Variants in RANBP10 observed in about 807,000 individuals in gnomAD.
RANBP10 encodes the protein ran-binding protein 10.
Under a neutral mutation model 72.8 loss-of-function variants are expected in RANBP10, and 24 were observed. The ratio of observed to expected loss-of-function variants is 0.33; its 90% confidence interval spans 0.24 to 0.46. RANBP10 has a LOEUF of 0.46. Ranked by LOEUF, RANBP10 falls within the 20% of genes least tolerant of loss-of-function variation. RANBP10 has a pLI of 1.00. For synonymous variants in RANBP10, 310 were observed against 322.3 expected, an observed-to-expected ratio of 0.96 and a Z score of 0.41; for missense variants, 679 against 817.5, an observed-to-expected ratio of 0.83 and a Z score of 2.07.
chr16:67,740,764 G>A (rs779063527), intron 4 of RANBP10, among the ~76,000 whole-genome samples: 3 of 152,158 alleles, frequency 2.0e-5, no homozygotes, highest in Admixed American at 1.3e-4. Flanking sequence ...TTCTTTGTTC[G>A]GCTATTTTGT....
rs3743730 is a variant in RANBP10, at chr16:67,806,519, T to A, written c.18A>T (p.Ala6=). The A allele has an allele frequency of 7.3e-6, 11 of 1,509,824 alleles. No individual in the cohort carries two copies. Among genetic ancestry groups the A allele is most frequent in the African/African-American group, 1.4e-5 (1 of 71,640 alleles). 93.5% of individuals were successfully genotyped at this position (1,509,824 alleles called of 1,614,324 possible). Reference sequence around the variant, plus strand: ...GCTGCGGGTTCCCAGCTCCCGGGTCTGCCGTCGCTGCCGCCATCTTGGAGG... The same window carrying A: ...GCTGCGGGTTCCCAGCTCCCGGGTCAGCCGTCGCTGCCGCCATCTTGGAGG... The part of the protein sequence containing the change: MAAAT[A]DPGAGNPQPG... The change falls in exon 1 of 14, where the codon GCA becomes GCT. Residue 6 remains alanine, a synonymous_variant. Transcript: ENST00000317506.
chr16:67,759,390 C>T (rs1368053633), intron 3 of RANBP10, among the ~76,000 whole-genome samples: 2 of 152,214 alleles, frequency 1.3e-5, no homozygotes, highest in Non-Finnish European at 2.9e-5. Flanking sequence ...CTTTTCCAGG[C>T]AGGGCTGCCT....
At chr16:67,731,344 A>G (rs1350246436) in intron 7 of RANBP10, 128 bp downstream of exon 7, 4 of 717,160 alleles carry the variant, frequency 5.6e-6, no homozygotes, top group Non-Finnish European at 9.7e-6. Context: ...CATGGCCTCG[A>G]GCTGCAAGCT....
intron 3 of RANBP10, among the ~76,000 whole-genome samples, chr16:67,765,153 T>C (rs1198015237): frequency 1.6e-5 from 2 of 124,800 alleles, no homozygotes; most frequent in Non-Finnish European, 3.1e-5. Context: ...TGAGCCAAGA[T>C]TGCACCACTG....
Position 67,728,430 on chromosome 16 carries a change from G to C in RANBP10, c.1434C>G (p.Ala478=). ...CCGTCTGCAGGTCCTCATGCTTGTA[G>C]GCACCATTAACAATGCGTGTGGACA... ...GSMSTRIVNG[A]YKHEDLQTDE... is the part of the protein sequence containing the mutation. Residue 478 remains alanine (A), a synonymous_variant, in exon 11 of 14, where the codon GCC becomes GCG. Transcript: ENST00000317506. 1.9e-6 allele frequency: 3 copies of C among 1,614,182 alleles called. No individual in the cohort carries two copies. The highest frequency in any genetic ancestry group is 1.7e-6 in the Non-Finnish European group (2 of 1,180,038).
chr16:67,772,848 C>T (rs558560255), intron 2 of RANBP10, among the ~76,000 whole-genome samples: 1 of 152,310 alleles, frequency 6.6e-6, no homozygotes, highest in South Asian at 2.1e-4. Context: ...CCTCTGGCTG[C>T]TCTCCCCTTA....
In RANBP10 at chr16:67,729,251, C is replaced by A; in HGVS notation, c.1352+29G>T. The stretch of plus-strand genomic sequence containing the variant: ...GGCCCAGCTGGCATAAGGCAGAAGG[C>A]AGAGGAGGAAGCAGAGCAAGGCAGG... On this transcript the variant is annotated intron_variant, in intron 10 of 13. Transcript: ENST00000317506. The surrounding 1 kb of genome is among the most constrained non-coding windows in gnomAD (Gnocchi z 7.1). 3 of 1,607,672 alleles carry A rather than the reference C, an allele frequency of 1.9e-6. No homozygotes were observed. Among genetic ancestry groups the A allele is most frequent in the East Asian group, 4.5e-5 (2 of 44,844 alleles).
At chr16:67,728,587 T>C (rs778770289) in intron 10 of RANBP10, 76 bp from the exon 11 acceptor site, 1 of 1,608,402 alleles carries the variant, frequency 6.2e-7, no homozygotes, top group South Asian at 1.1e-5. Flanking sequence ...CCTTTCAAGC[T>C]GTAGCCATGG....
At chr16:67,772,610 C>A (rs76816648) in intron 2 of RANBP10, among the ~76,000 whole-genome samples, 12 of 152,192 alleles carry the variant, frequency 7.9e-5, no homozygotes, top group East Asian at 7.7e-4. Context: ...ACCTTCCCCG[C>A]ATACATTCAC....
intron 2 of RANBP10, among the ~76,000 whole-genome samples, chr16:67,801,500 G>A (rs940304706): frequency 3.3e-5 from 5 of 152,160 alleles, no homozygotes; most frequent in African/African-American, 1.2e-4. Context: ...AAACATCCCA[G>A]GGACTCAGGG....
chr16:67,756,389 G>A (rs999643778), intron 3 of RANBP10, among the ~76,000 whole-genome samples: 6 of 152,254 alleles, frequency 3.9e-5, no homozygotes, highest in African/African-American at 1.4e-4. Flanking sequence ...CTGGCCCACG[G>A]CTGACCAGGA....
At chr16:67,734,401 A>T (rs2053796912) in intron 6 of RANBP10, among the ~76,000 whole-genome samples, 2 of 152,188 alleles carry the variant, frequency 1.3e-5, no homozygotes, top group Non-Finnish European at 2.9e-5. Flanking sequence ...GGTCCTAGGG[A>T]GAACTCCCTT....
chr16:67,767,889 C>T (rs2054534566), intron 3 of RANBP10, among the ~76,000 whole-genome samples: 1 of 152,036 alleles, frequency 6.6e-6, no homozygotes, highest in South Asian at 2.1e-4. Flanking sequence ...AGCCACCGCG[C>T]CCTGCCTCTA....
At chr16:67,801,003 T>C (rs534496922) in intron 2 of RANBP10, among the ~76,000 whole-genome samples, 3 of 152,296 alleles carry the variant, frequency 2.0e-5, no homozygotes, top group South Asian at 4.1e-4. Flanking sequence ...ATACCTAGTA[T>C]AGGGCCTGGA....
At chr16:67,749,971 C>T (rs2054164047) in intron 3 of RANBP10, among the ~76,000 whole-genome samples, 1 of 152,234 alleles carries the variant, frequency 6.6e-6, no homozygotes, top group Non-Finnish European at 1.5e-5. Flanking sequence ...CTCCTCCTAC[C>T]CCTGCCCCTC....
chr16:67,751,234 C>T (rs533760320), intron 3 of RANBP10, among the ~76,000 whole-genome samples: 13 of 152,208 alleles, frequency 8.5e-5, no homozygotes, highest in Admixed American at 8.5e-4. Flanking sequence ...AGTTCAATAT[C>T]CACTATGAAA....
intron 3 of RANBP10, among the ~76,000 whole-genome samples, chr16:67,757,152 G>C (rs2054300643): frequency 6.6e-6 from 1 of 152,208 alleles, no homozygotes; most frequent in African/African-American, 2.4e-5. Flanking sequence ...AGGTTGCGGT[G>C]AGCCAAGATG....
chr16:67,762,878 T>C (rs949205613), intron 3 of RANBP10, among the ~76,000 whole-genome samples: 1 of 152,164 alleles, frequency 6.6e-6, no homozygotes, highest in African/African-American at 2.4e-5. Flanking sequence ...CACAATCCAG[T>C]GAGGACACTC....
chr16:67,793,602 G>A (rs1446955072), intron 2 of RANBP10, among the ~76,000 whole-genome samples: 1 of 151,864 alleles, frequency 6.6e-6, no homozygotes, highest in Non-Finnish European at 1.5e-5. Flanking sequence ...GTGAGCCACC[G>A]TGCCCAGCCT....
Sources: gnomAD v4.1 joint callset for allele counts (sites outside exome capture counted in the v4.1 genomes callset) on GRCh38, gnomAD v4.1.1 for gene constraint, Gnocchi (gnomAD v3.1) non-coding constraint, MANE v1.5 for transcripts, NCBI Gene and HGNC (gene_info 2026-07-23, HGNC 2026-07-21) for gene names.